The following CLTC variants were observed in gnomAD, a reference collection of about 807,000 sequenced individuals.
The protein encoded by CLTC is clathrin heavy chain, also known as clathrin heavy chain 1.
In CLTC, 16 loss-of-function variants were observed where a neutral mutation model predicts 195.8. The observed-to-expected ratio is 0.08, with a 90% CI of 0.06 to 0.12. The LOEUF (loss-of-function observed/expected upper bound fraction) is 0.12. Among genes scored for constraint, CLTC ranks in the 10% least tolerant of loss-of-function variants. The pLI is 1.00. For synonymous variants in CLTC, 667 were observed against 689.4 expected, an observed-to-expected ratio of 0.97 and a Z score of 0.51; for missense variants, 796 against 2,027.0, an observed-to-expected ratio of 0.39 and a Z score of 11.66.
At chr17:59,625,253 C>A (rs772771534) in intron 1 of CLTC, among the ~76,000 whole-genome samples, 1 of 151,654 alleles carries the variant, frequency 6.6e-6, no homozygotes, top group Non-Finnish European at 1.5e-5. Context: ...GGACTACAGG[C>A]GCGTGCTACC....
chr17:59,656,149 G>T, intron 6 of CLTC, 122 bp downstream of exon 6: 1 of 843,658 alleles, frequency 1.2e-6, no homozygotes. Flanking sequence ...ATTACTGTTA[G>T]TTTTTTTCCA....
chr17:59,628,729 G>A (rs1000827798), intron 1 of CLTC, among the ~76,000 whole-genome samples: 1 of 152,090 alleles, frequency 6.6e-6, no homozygotes, highest in Non-Finnish European at 1.5e-5. Context: ...TGCAATCTTG[G>A]TTCACTGCAA....
At chr17:59,662,297 A>G (rs1185658845) in intron 8 of CLTC, among the ~76,000 whole-genome samples, 1 of 152,116 alleles carries the variant, frequency 6.6e-6, no homozygotes, top group South Asian at 2.1e-4. Context: ...GGTCTTCTCC[A>G]TGCCTTTTAT....
At chr17:59,623,689 A>T (rs754066066) in intron 1 of CLTC, among the ~76,000 whole-genome samples, 1 of 152,146 alleles carries the variant, frequency 6.6e-6, no homozygotes, top group Non-Finnish European at 1.5e-5. Flanking sequence ...ATGTTATTCA[A>T]ATTATATTTA....
intron 31 of CLTC, among the ~76,000 whole-genome samples, chr17:59,692,829 G>C (rs887079548): frequency 6.6e-6 from 1 of 151,850 alleles, no homozygotes; most frequent in Non-Finnish European, 1.5e-5. Flanking sequence ...TAGTAGAGAC[G>C]GGGTTTCACC....
rs748021202 is a variant in CLTC at position 59,682,903 on chromosome 17, C to T, written c.3766-4C>T. On this transcript the variant is annotated splice_region_variant and splice_polypyrimidine_tract_variant and intron_variant, in intron 23 of 31. Transcript: ENST00000269122. This position sits in a 1 kb window ranked among gnomAD's most constrained non-coding sequence, Gnocchi z 6.8. The stretch of plus-strand genomic sequence containing the variant: ...AGTTCACAGAAAGGAAATGTTTATT[C>T]TAGGTCTGCTTCGCCTGTGTAGATG... 1.9e-6 allele frequency: 3 copies of T among 1,613,828 alleles called. No individual in the cohort carries two copies. The highest frequency in any genetic ancestry group is 2.2e-5 in the South Asian group (2 of 91,042).
At chr17:59,620,715 G>A (rs1415251397) in intron 1 of CLTC, among the ~76,000 whole-genome samples, 3 of 152,016 alleles carry the variant, frequency 2.0e-5, no homozygotes, top group Admixed American at 1.3e-4. Flanking sequence ...TGGGGGTTGG[G>A]GGTGGTGGTG....
Position 59,696,131 on chromosome 17 carries a change from C to A in CLTC, c.*2279C>A, listed in dbSNP as rs990025924. On this transcript the variant is annotated 3_prime_UTR_variant, in exon 32 of 32. Transcript: ENST00000269122. ...CCTCAGAAATTACCTGAGCCAGAAT[C>A]ATGCACTTAGCACTGAGTTCAACTC... The A allele has an allele frequency of 4.6e-5, 10 of 217,178 alleles. No homozygotes were observed. Among genetic ancestry groups the A allele is most frequent in the Non-Finnish European group, 8.3e-5 (9 of 108,004 alleles). The allele number at this position is 217,178 out of a possible 1,614,324, so 13.5% of individuals were successfully genotyped here.
intron 7 of CLTC, among the ~76,000 whole-genome samples, chr17:59,661,033 C>A (rs1419001714): frequency 1.3e-5 from 2 of 148,180 alleles, no homozygotes; most frequent in Non-Finnish European, 3.0e-5. Flanking sequence ...TAACACCTTA[C>A]ATTCCTGACC....
rs767744679 is a variant in CLTC, at chr17:59,679,528, G to A, written c.2919+9G>A. On this transcript the variant is annotated intron_variant, in intron 18 of 31. Transcript: ENST00000269122. ...GACCCCTAATTGACCAGGTAACATT[G>A]GCAAATGTGTTTATGGCTGTCAGTA... 3 of 1,572,644 alleles carry A rather than the reference G, an allele frequency of 1.9e-6. No individual in the cohort carries two copies. In the East Asian group the frequency reaches 6.8e-5, roughly 36 times the overall value.
chr17:59,647,839 C>T (rs899800453), intron 3 of CLTC, among the ~76,000 whole-genome samples, 173 bp downstream of exon 3: 2 of 151,992 alleles, frequency 1.3e-5, no homozygotes, highest in Admixed American at 6.6e-5. Context: ...TCCTCCCTCC[C>T]TTCTCTTCTT....
Position 59,648,222 on chromosome 17 carries a change from C to A in CLTC, c.520-18C>A, listed in dbSNP as rs757827090. 10 of 1,586,218 alleles carry A rather than the reference C, an allele frequency of 6.3e-6. No individual in the cohort carries two copies. Among genetic ancestry groups the A allele is most frequent in the Non-Finnish European group, 8.6e-6 (10 of 1,165,610 alleles). On this transcript the variant is annotated intron_variant, in intron 3 of 31. Transcript: ENST00000269122. The surrounding 1 kb of genome is among the most constrained non-coding windows in gnomAD (Gnocchi z 4.5). ...GATTTATGGGTCTTCAAACGTTATTCTCTTTGATCCTTTATAGCAAAATCG... is the reference window on the plus strand; with the variant it reads ...GATTTATGGGTCTTCAAACGTTATTATCTTTGATCCTTTATAGCAAAATCG...
chr17:59,668,999 G>T (rs2032789029), intron 14 of CLTC, 59 bp downstream of exon 14: 2 of 1,466,670 alleles, frequency 1.4e-6, no homozygotes, highest in Admixed American at 4.7e-5. Flanking sequence ...GTTCTACAAG[G>T]GTTTGGTCAT....
At chr17:59,679,210 CTG>C (rs2033030282) in intron 17 of CLTC, among the ~76,000 whole-genome samples, 185 bp from the exon 18 acceptor site, 2 of 152,112 alleles carry the variant, frequency 1.3e-5, no homozygotes, top group South Asian at 4.2e-4. Flanking sequence ...AGATGTTGAA[CTG>C]TGTATTACAA....
intron 1 of CLTC, among the ~76,000 whole-genome samples, chr17:59,623,732 T>C (rs553756366): frequency 1.3e-5 from 2 of 152,342 alleles, no homozygotes; most frequent in African/African-American, 4.8e-5. Context: ...GTTACCGTTG[T>C]GGCTTTTTCT....
chr17:59,656,511 G>A (rs2032469063), intron 6 of CLTC, among the ~76,000 whole-genome samples: 2 of 152,054 alleles, frequency 1.3e-5, no homozygotes, highest in African/African-American at 2.4e-5. Context: ...ACTATTACAT[G>A]TTAGAAGGTG....
At chr17:59,653,414 C>T (rs980694157) in intron 5 of CLTC, among the ~76,000 whole-genome samples, 14 of 151,834 alleles carry the variant, frequency 9.2e-5, no homozygotes, top group African/African-American at 2.4e-4. Flanking sequence ...AGGATGGTCT[C>T]GATCTCCTGA....
chr17:59,670,113 G>A (rs917673359), intron 14 of CLTC, among the ~76,000 whole-genome samples: 1 of 152,092 alleles, frequency 6.6e-6, no homozygotes, highest in Non-Finnish European at 1.5e-5. Flanking sequence ...ACTTTCTGGT[G>A]TCAAAAAACC....
At position 59,644,503 on chromosome 17, in the gene CLTC, T is replaced by G; in HGVS notation, c.250+20T>G. On this transcript the variant is annotated intron_variant, in intron 2 of 31. Coordinates refer to ENST00000269122, the MANE Select transcript of CLTC (RefSeq NM_004859.4). ...TGAAAGGTATAAAAGAATGTGGGTT[T>G]TCCTTAAAACTCTTCCTATGTTTTT... The G allele has an allele frequency of 6.3e-7, 1 of 1,594,026 alleles. No homozygotes were observed. Among genetic ancestry groups the G allele is most frequent in the South Asian group, 1.1e-5 (1 of 90,144 alleles).
Sources: gnomAD v4.1 joint callset for allele counts (sites outside exome capture counted in the v4.1 genomes callset) on GRCh38, gnomAD v4.1.1 for gene constraint, Gnocchi (gnomAD v3.1) non-coding constraint, MANE v1.5 for transcripts, NCBI Gene and HGNC (gene_info 2026-07-23, HGNC 2026-07-21) for gene names.